DACH2: variants seen among roughly 807,000 people sequenced by gnomAD.
The protein encoded by DACH2 is dachshund family transcription factor 2.
Under a neutral mutation model 35.8 loss-of-function variants are expected in DACH2, and 17 were observed. That is an observed-to-expected ratio of 0.48 (90% CI 0.33 to 0.71). The LOEUF (loss-of-function observed/expected upper bound fraction) is 0.71, where lower values mean the gene tolerates loss of function less well. DACH2 is among the 30% of genes least tolerant of loss of function. The pLI is 0.02. For missense variants in DACH2, 469 were observed against 472.7 expected, an observed-to-expected ratio of 0.99 and a Z score of 0.07; for synonymous variants, 195 against 177.3, an observed-to-expected ratio of 1.10 and a Z score of -0.79.
intron 1 of DACH2, among the ~76,000 whole-genome samples, chrX:86,184,992 C>G (rs1423530150): frequency 9.0e-6 from 1 of 111,653 alleles, no homozygotes; most frequent in Non-Finnish European, 1.9e-5. Flanking sequence ...AGAGGCTTAT[C>G]TTCTCTGAGA....
intron 1 of DACH2, among the ~76,000 whole-genome samples, chrX:86,359,989 C>T (rs757275810): frequency 1.5e-4 from 16 of 109,047 alleles, no homozygotes; most frequent in African/African-American, 5.3e-4. Flanking sequence ...CTCTAGCTAT[C>T]CCTCACCTCA....
intron 3 of DACH2, among the ~76,000 whole-genome samples, chrX:86,640,880 A>T (rs1460204082): frequency 8.9e-6 from 1 of 111,994 alleles, no homozygotes; most frequent in Non-Finnish European, 1.9e-5. Context: ...AGAGACAAAA[A>T]GTCAGCTTCA....
At chrX:86,286,267 A>G (rs1469973808) in intron 1 of DACH2, among the ~76,000 whole-genome samples, 1 of 105,336 alleles carries the variant, frequency 9.5e-6, no homozygotes, top group Non-Finnish European at 2.0e-5. Flanking sequence ...AGCTGGGACT[A>G]CAGGCGCCCG....
intron 6 of DACH2, among the ~76,000 whole-genome samples, chrX:86,717,375 C>T (rs1423625087): frequency 9.0e-6 from 1 of 111,001 alleles, no homozygotes; most frequent in East Asian, 2.8e-4. Flanking sequence ...TAATGGCCTC[C>T]ATTTTCATCC....
chrX:86,252,385 GC>G (rs1319386260), intron 1 of DACH2, among the ~76,000 whole-genome samples: 1 of 111,130 alleles, frequency 9.0e-6, no homozygotes, highest in Non-Finnish European at 1.9e-5. Context: ...TGTTGCATTT[GC>G]TTTTGAGTTC....
chrX:86,335,019 C>T (rs1431324635), intron 1 of DACH2, among the ~76,000 whole-genome samples: 1 of 111,912 alleles, frequency 8.9e-6, no homozygotes, highest in Admixed American at 9.5e-5. Flanking sequence ...ATACAGAATC[C>T]TTTCCCCATT....
chrX:86,647,759 G>A (rs375584195), intron 3 of DACH2, among the ~76,000 whole-genome samples: 7 of 110,784 alleles, frequency 6.3e-5, no homozygotes, highest in East Asian at 2.8e-4. Flanking sequence ...ATAGACTATG[G>A]TAATGGTCTC....
intron 3 of DACH2, among the ~76,000 whole-genome samples, chrX:86,641,210 A>G (rs977568438): frequency 8.9e-6 from 1 of 112,045 alleles, no homozygotes; most frequent in Admixed American, 9.5e-5. Context: ...GAATCACAAT[A>G]AAGTGATACA....
chrX:86,693,993 TA>T (rs11442213), intron 4 of DACH2, among the ~76,000 whole-genome samples: 1 of 108,149 alleles, frequency 9.2e-6, no homozygotes, highest in Non-Finnish European at 1.9e-5. Flanking sequence ...TTTTCTACAT[TA>T]AAAAAAACAT....
intron 1 of DACH2, among the ~76,000 whole-genome samples, chrX:86,291,504 G>C (rs1466309904): frequency 9.4e-6 from 1 of 105,907 alleles, no homozygotes; most frequent in African/African-American, 3.5e-5. Flanking sequence ...TCTTGTGCCA[G>C]TTTTCAAAGG....
rs762345726 is a variant in DACH2 at position 86,557,030 on chromosome X, A to G, written c.640+42639A>G. 3.6e-4 allele frequency among the ~76,000 whole-genome samples: 39 copies of G among 108,536 alleles called. 1 individual carries two copies. In the East Asian group the frequency reaches 0.011, roughly 31 times the overall value. The allele number at this position is 108,536 out of a possible 115,157, so 94.3% of individuals were successfully genotyped here. A position where few individuals can be genotyped will look rare whatever the true frequency, so the allele number is the denominator to read the frequency against. ...AGAACTGAAGGGGGCTGCTGGTATA[A>G]GTCCAGGAGTCTGAAGGCCTGAGTG... On this transcript the variant is annotated intron_variant, in intron 3 of 11. Coordinates refer to ENST00000373125, the MANE Select transcript of DACH2 (RefSeq NM_053281.3).
chrX:86,483,274 C>A (rs1272236568), intron 2 of DACH2, among the ~76,000 whole-genome samples: 2 of 110,666 alleles, frequency 1.8e-5, no homozygotes, highest in Non-Finnish European at 3.8e-5. Flanking sequence ...TAAATATATA[C>A]CTGATGTTAA....
intron 1 of DACH2, among the ~76,000 whole-genome samples, chrX:86,372,588 TAG>T (rs2035903614): frequency 9.0e-6 from 1 of 110,965 alleles, no homozygotes; most frequent in Non-Finnish European, 1.9e-5. Flanking sequence ...CTACTTCATC[TAG>T]TTGTGCCAAA....
chrX:86,633,941 C>A (rs770564923), intron 3 of DACH2, among the ~76,000 whole-genome samples: 3 of 112,147 alleles, frequency 2.7e-5, no homozygotes, highest in Admixed American at 1.9e-4. Context: ...ATAATAAAAA[C>A]CCTCAACAAA....
chrX:86,500,198 A>G (rs1392944029), intron 2 of DACH2, among the ~76,000 whole-genome samples: 1 of 111,783 alleles, frequency 8.9e-6, no homozygotes, highest in African/African-American at 3.3e-5. Flanking sequence ...CTTTAAATCC[A>G]ATATACACTG....
At chrX:86,263,430 A>G (rs1277835343) in intron 1 of DACH2, among the ~76,000 whole-genome samples, 1 of 111,870 alleles carries the variant, frequency 8.9e-6, no homozygotes, top group Non-Finnish European at 1.9e-5. Flanking sequence ...GGAGACATCA[A>G]GTAGATTAAC....
intron 2 of DACH2, among the ~76,000 whole-genome samples, chrX:86,477,339 CATAT>C (rs56255658): frequency 0.083 from 6,264 of 75,683 alleles, 228 homozygotes; most frequent in Middle Eastern, 0.12. Flanking sequence ...GTGTTGAGTG[CATAT>C]ATATATATAT....
chrX:86,251,983 C>T (rs1377017184), intron 1 of DACH2, among the ~76,000 whole-genome samples: 1 of 111,517 alleles, frequency 9.0e-6, no homozygotes, highest in Non-Finnish European at 1.9e-5. Context: ...TTCCTTTTCA[C>T]TGCGTCCATG....
At chrX:86,699,967 T>A (rs2041120779) in intron 5 of DACH2, among the ~76,000 whole-genome samples, 1 of 111,972 alleles carries the variant, frequency 8.9e-6, no homozygotes, top group African/African-American at 3.2e-5. Context: ...TACCCAAAAG[T>A]CATTTGGGAG....
Sources: allele counts gnomAD v4.1 joint callset (sites outside exome capture counted in the v4.1 genomes callset), GRCh38; gene constraint gnomAD v4.1.1; transcripts MANE v1.5; gene names NCBI Gene and HGNC (gene_info 2026-07-23, HGNC 2026-07-21).